The following TAFA2 variants were observed in gnomAD, a reference collection of about 807,000 sequenced individuals.
TAFA2 encodes the protein TAFA chemokine like family member 2, also known as chemokine-like protein TAFA-2.
Under a neutral mutation model 18.8 loss-of-function variants are expected in TAFA2, and 7 were observed. The observed-to-expected ratio is 0.37, with a 90% CI of 0.21 to 0.70. The LOEUF (loss-of-function observed/expected upper bound fraction) is 0.70. TAFA2 is among the 30% of genes least tolerant of loss of function. The pLI, the probability that TAFA2 is intolerant of heterozygous loss-of-function variation, is 0.53. For synonymous variants in TAFA2, 60 were observed against 54.2 expected, an observed-to-expected ratio of 1.11 and a Z score of -0.47; for missense variants, 122 against 158.1, an observed-to-expected ratio of 0.77 and a Z score of 1.23.
chr12:61,799,789 T>A lies in TAFA2; in HGVS notation c.107-44765A>T, dbSNP rs1592396962. On this transcript the variant is annotated intron_variant, in intron 2 of 4. Coordinates refer to ENST00000416284, the MANE Select transcript of TAFA2 (RefSeq NM_178539.5). ...GTGAGCCGAGATTGCGCCACTGCAC[T>A]CCAGCCTGGGCGACAGAGCAAGACT... Among the ~76,000 whole-genome samples, 8 of 152,126 alleles carry A rather than the reference T, an allele frequency of 5.3e-5. No individual in the cohort carries two copies. In the South Asian group the frequency reaches 1.7e-3, roughly 32 times the overall value.
chr12:62,116,713 C>T (rs910374878), intron 1 of TAFA2, among the ~76,000 whole-genome samples: 9 of 150,978 alleles, frequency 6.0e-5, no homozygotes, highest in African/African-American at 2.2e-4. Context: ...ACCTGGAAAA[C>T]AGCAGACACT....
intron 4 of TAFA2, among the ~76,000 whole-genome samples, chr12:61,749,110 A>AC (rs142586346): frequency 0.18 from 22,859 of 130,278 alleles, 2,026 homozygotes; most frequent in African/African-American, 0.31. Context: ...TACTAAAAAT[A>AC]AAAAAAAAAA....
intron 1 of TAFA2, among the ~76,000 whole-genome samples, chr12:61,886,304 T>C (rs1356648707): frequency 2.6e-5 from 4 of 152,122 alleles, no homozygotes; most frequent in Admixed American, 2.6e-4. Flanking sequence ...GCTTCTACCA[T>C]TTTCCCAGGC....
Position 61,925,907 on chromosome 12 carries a change from C to G in TAFA2, c.-1-58481G>C, listed in dbSNP as rs923790856. Among the ~76,000 whole-genome samples the G allele has an allele frequency of 2.6e-5, 4 of 152,176 alleles. No individual in the cohort carries two copies. The East Asian group carries it at 7.7e-4, about 29-fold the overall frequency. On this transcript the variant is annotated intron_variant, in intron 1 of 4. Transcript: ENST00000416284. ...AAGCCCTTCAAAAAATCAGTGAATC[C>G]AGGAGCTGGTTTTTTGAAAAGATTA...
At chr12:62,019,131 TC>T (rs1322873492) in intron 1 of TAFA2, among the ~76,000 whole-genome samples, 2 of 152,060 alleles carry the variant, frequency 1.3e-5, no homozygotes, top group Non-Finnish European at 2.9e-5. Flanking sequence ...TGAGATACCA[TC>T]TCACACCAGT....
At chr12:62,221,594 A>T (rs2062763241) in intron 1 of TAFA2, among the ~76,000 whole-genome samples, 1 of 152,138 alleles carries the variant, frequency 6.6e-6, no homozygotes, top group Non-Finnish European at 1.5e-5. Context: ...GGCACAAAAG[A>T]TTGGTGGTTT....
intron 1 of TAFA2, among the ~76,000 whole-genome samples, chr12:62,211,220 A>G (rs1438466438): frequency 1.3e-5 from 2 of 152,202 alleles, no homozygotes; most frequent in African/African-American, 4.8e-5. Flanking sequence ...ATCCAATTAC[A>G]TGAATGACAA....
chr12:61,769,073 CCCCCACTT>C (rs1396395208), intron 2 of TAFA2, among the ~76,000 whole-genome samples: 1 of 151,854 alleles, frequency 6.6e-6, no homozygotes, highest in South Asian at 2.1e-4. Flanking sequence ...TGCCAGCTTT[CCCCCACTT>C]CCCCACTTCC....
intron 1 of TAFA2, chr12:61,879,708 A>T: frequency 8.9e-7 from 1 of 1,129,188 alleles, no homozygotes; most frequent in South Asian, 1.2e-5. Flanking sequence ...CTGCAGCAGC[A>T]GAAGATGGCT....
chr12:62,230,052 T>C (rs1415434105), intron 1 of TAFA2, among the ~76,000 whole-genome samples: 2 of 152,150 alleles, frequency 1.3e-5, no homozygotes, highest in African/African-American at 4.8e-5. Flanking sequence ...ATCCTTTGCA[T>C]TTCTGTGGCT....
chr12:62,096,459 C>T (rs1255836912), intron 1 of TAFA2, among the ~76,000 whole-genome samples: 3 of 152,002 alleles, frequency 2.0e-5, no homozygotes, highest in Non-Finnish European at 4.4e-5. Flanking sequence ...AAATGCAGAA[C>T]ATTTGTTTTT....
At chr12:61,842,145 G>C (rs756394137) in intron 2 of TAFA2, among the ~76,000 whole-genome samples, 9 of 151,804 alleles carry the variant, frequency 5.9e-5, no homozygotes, top group Admixed American at 1.3e-4. Flanking sequence ...TTTAACACTA[G>C]ATCATGAGTC....
intron 2 of TAFA2, among the ~76,000 whole-genome samples, chr12:61,829,241 C>T (rs1430825049): frequency 6.6e-6 from 1 of 151,664 alleles, no homozygotes; most frequent in African/African-American, 2.4e-5. Context: ...AAGCCTAAAT[C>T]TGCTTTTAGG....
intron 1 of TAFA2, among the ~76,000 whole-genome samples, chr12:61,913,528 C>G (rs1876696809): frequency 1.3e-5 from 2 of 152,194 alleles, no homozygotes; most frequent in South Asian, 4.1e-4. Context: ...GACTATGATT[C>G]TGGCCTCAGT....
At chr12:62,079,958 A>G (rs1321504520) in intron 1 of TAFA2, among the ~76,000 whole-genome samples, 1 of 152,236 alleles carries the variant, frequency 6.6e-6, no homozygotes, top group East Asian at 1.9e-4. Context: ...TTTCAGGCAC[A>G]AAGAGACTGG....
intron 1 of TAFA2, among the ~76,000 whole-genome samples, chr12:62,034,098 A>G (rs1463279350): frequency 2.6e-5 from 4 of 152,200 alleles, no homozygotes; most frequent in African/African-American, 9.7e-5. Flanking sequence ...GTATTTAGAG[A>G]TCATCACATC....
intron 1 of TAFA2, among the ~76,000 whole-genome samples, chr12:61,973,215 C>T (rs962871108): frequency 6.6e-6 from 1 of 151,538 alleles, no homozygotes; most frequent in Non-Finnish European, 1.5e-5. Context: ...ATTAAAAGTG[C>T]ACATACAAAT....
At chr12:62,134,374 A>T (rs1325038041) in intron 1 of TAFA2, among the ~76,000 whole-genome samples, 1 of 151,836 alleles carries the variant, frequency 6.6e-6, no homozygotes, top group African/African-American at 2.4e-5. Context: ...GCATTTGCAC[A>T]TCCTCTCTTC....
At chr12:61,945,344 A>G (rs61941008) in intron 1 of TAFA2, among the ~76,000 whole-genome samples, 10,394 of 122,220 alleles carry the variant, frequency 0.085, 447 homozygotes, top group East Asian at 0.18. Flanking sequence ...CCCACAGCCA[A>G]TATCATACTG....
Sources: allele counts gnomAD v4.1 joint callset (sites outside exome capture counted in the v4.1 genomes callset), GRCh38; gene constraint gnomAD v4.1.1; transcripts MANE v1.5; gene names NCBI Gene and HGNC (gene_info 2026-07-23, HGNC 2026-07-21).